PDE6C: variants seen among roughly 807,000 people sequenced by gnomAD.
PDE6C encodes the protein cone cGMP-specific 3',5'-cyclic phosphodiesterase subunit alpha'.
PDE6C carries 75 observed loss-of-function variants against 113.1 expected under a neutral mutation model. The observed-to-expected ratio is 0.66, with a 90% CI of 0.55 to 0.80. The LOEUF is 0.80. Ranked by LOEUF, PDE6C falls within the 30% of genes least tolerant of loss-of-function variation. The probability of loss-of-function intolerance (pLI) is 0.00; values close to 1 mark genes in which losing one functional copy is unlikely to be tolerated. For missense variants in PDE6C, 912 were observed against 1,038.6 expected, an observed-to-expected ratio of 0.88 and a Z score of 1.67; for synonymous variants, 375 against 363.7, an observed-to-expected ratio of 1.03 and a Z score of -0.35.
chr10:93,637,827 T>C (rs2058541237), intron 11 of PDE6C, among the ~76,000 whole-genome samples: 1 of 152,220 alleles, frequency 6.6e-6, no homozygotes, highest in South Asian at 2.1e-4. Flanking sequence ...GTTCTAGTCA[T>C]TTGATCCTGT....
chr10:93,629,019 G>T (rs1463267437), intron 7 of PDE6C, among the ~76,000 whole-genome samples: 1 of 152,182 alleles, frequency 6.6e-6, no homozygotes, highest in African/African-American at 2.4e-5. Flanking sequence ...GGAGTCTGGG[G>T]GAGTGGGAAG....
chr10:93,618,104 C>T (rs998817643), intron 1 of PDE6C, among the ~76,000 whole-genome samples: 12 of 151,764 alleles, frequency 7.9e-5, no homozygotes, highest in Non-Finnish European at 1.6e-4. Flanking sequence ...GGGTGCTCCG[C>T]GGTATGGGAG....
intron 1 of PDE6C, among the ~76,000 whole-genome samples, chr10:93,617,969 A>C (rs1282096011): frequency 6.6e-6 from 1 of 152,166 alleles, no homozygotes; most frequent in East Asian, 1.9e-4. Flanking sequence ...CAAAAACTGC[A>C]GACACTTTGG....
At chr10:93,661,198 C>T (rs1480678738) in intron 18 of PDE6C, among the ~76,000 whole-genome samples, 1 of 152,146 alleles carries the variant, frequency 6.6e-6, no homozygotes, top group Non-Finnish European at 1.5e-5. Flanking sequence ...ATTTACATGG[C>T]CTGTCACTGC....
intron 8 of PDE6C, among the ~76,000 whole-genome samples, chr10:93,633,326 C>G (rs1228412262): frequency 1.3e-5 from 2 of 151,792 alleles, no homozygotes; most frequent in Non-Finnish European, 2.9e-5. Flanking sequence ...ATTAGCCAGG[C>G]TTGGTGGGGC....
chr10:93,659,251 C>A, intron 18 of PDE6C, 84 bp downstream of exon 18: 4 of 938,322 alleles, frequency 4.3e-6, no homozygotes, highest in Non-Finnish European at 6.9e-6. Context: ...AGATCTCAGG[C>A]AACCTCAGAA....
intron 1 of PDE6C, among the ~76,000 whole-genome samples, chr10:93,619,345 A>G (rs1007719451): frequency 6.6e-6 from 1 of 152,248 alleles, no homozygotes; most frequent in African/African-American, 2.4e-5. Context: ...TAAAAACCTG[A>G]TAAGCATCTG....
intron 7 of PDE6C, among the ~76,000 whole-genome samples, chr10:93,628,689 A>C (rs1481083572): frequency 6.6e-6 from 1 of 151,142 alleles, no homozygotes; most frequent in Non-Finnish European, 1.5e-5. Flanking sequence ...GACCCAAGGT[A>C]CAGAAAACTT....
At chr10:93,619,502 C>T (rs1002239959) in intron 1 of PDE6C, among the ~76,000 whole-genome samples, 2 of 152,316 alleles carry the variant, frequency 1.3e-5, no homozygotes, top group Non-Finnish European at 2.9e-5. Flanking sequence ...TCTTGGCTTA[C>T]TGCAACCTCT....
intron 19 of PDE6C, 70 bp from the exon 20 acceptor site, chr10:93,662,490 C>G: frequency 1.7e-6 from 1 of 581,996 alleles, no homozygotes; most frequent in Non-Finnish European, 3.2e-6. Context: ...AAAAAGTTAT[C>G]AGGACAAATC....
rs766703340 is a variant in PDE6C, at chr10:93,640,182, T to G, written c.1595T>G (p.Ile532Arg). Residue 532 changes from isoleucine to arginine, a missense_variant, in exon 12 of 22, where the codon ATA (isoleucine) becomes AGA (arginine). Coordinates refer to ENST00000371447, the MANE Select transcript of PDE6C (RefSeq NM_006204.4). The part of the protein sequence containing the change: ...IKCGIRLFFE[I>R]NVVEKFKVPV... ...TGTGGAATACGACTGTTTTTTGAAA[T>G]AAATGTGGTGGAGAAATTCAAAGTA... is the stretch of plus-strand genomic sequence containing the variant. 1 of 1,613,636 alleles carries G rather than the reference T, an allele frequency of 6.2e-7. No homozygotes were observed. The highest frequency in any genetic ancestry group is 8.5e-7 in the Non-Finnish European group (1 of 1,179,572).
rs768844108 is a variant in PDE6C, at chr10:93,665,506, G to A, written c.*88G>A. 1.9e-5 allele frequency: 17 copies of A among 894,432 alleles called. No homozygotes were observed. Among genetic ancestry groups the A allele is most frequent in the East Asian group, 1.2e-4 (5 of 40,820 alleles). The allele number at this position is 894,432 out of a possible 1,614,324, so 55.4% of individuals were successfully genotyped here. A position where few individuals can be genotyped will look rare whatever the true frequency, so the allele number is the denominator to read the frequency against. ...CAAAAGAACTTCAACAAATCATCAC[G>A]TAACAGGATCTTCAGAAAAACTACC... is the stretch of plus-strand genomic sequence containing the variant. On this transcript the variant is annotated 3_prime_UTR_variant, in exon 22 of 22. Coordinates refer to ENST00000371447, the MANE Select transcript of PDE6C (RefSeq NM_006204.4).
intron 16 of PDE6C, among the ~76,000 whole-genome samples, chr10:93,656,961 T>A (rs1332922407): frequency 6.6e-6 from 1 of 152,072 alleles, no homozygotes. Flanking sequence ...ATTTAACAAA[T>A]GCGAAATTTT....
At chr10:93,653,689 T>C (rs1315339550) in intron 15 of PDE6C, among the ~76,000 whole-genome samples, 6 of 149,878 alleles carry the variant, frequency 4.0e-5, no homozygotes, top group African/African-American at 7.6e-5. Flanking sequence ...AAAAAAAACA[T>C]TGATTTTGAT....
rs971372451 is a variant in PDE6C, at chr10:93,625,428, G to T, written c.865-147G>T. The T allele has an allele frequency of 1.2e-5, 8 of 669,756 alleles. No homozygotes were observed. In the African/African-American group the frequency reaches 1.4e-4, roughly 12 times the overall value. 41.5% of individuals were successfully genotyped at this position (669,756 alleles called of 1,614,324 possible). ...GTTAACAGTCAAAAATTCCTAACCA[G>T]TATTGCTGGGAATTGTAGATCTTTC... On this transcript the variant is annotated intron_variant, in intron 4 of 21. Coordinates refer to ENST00000371447, the MANE Select transcript of PDE6C (RefSeq NM_006204.4).
At chr10:93,613,462 G>A (rs11187552) in intron 1 of PDE6C, among the ~76,000 whole-genome samples, 161 of 152,276 alleles carry the variant, frequency 1.1e-3, no homozygotes, top group African/African-American at 3.5e-3. Context: ...TGTAAAGTTT[G>A]GCATTTTATC....
intron 21 of PDE6C, 44 bp from the exon 22 acceptor site, chr10:93,665,316 T>A (rs1012690465): frequency 4.4e-6 from 6 of 1,354,002 alleles, no homozygotes; most frequent in Non-Finnish European, 6.4e-6. Context: ...AAACACTGTA[T>A]ATCCACTAAC....
chr10:93,652,009 G>C (rs1169817751), intron 15 of PDE6C, among the ~76,000 whole-genome samples: 3 of 151,894 alleles, frequency 2.0e-5, no homozygotes, highest in African/African-American at 4.8e-5. Flanking sequence ...GTGTGCAAGT[G>C]TGTGTGTGCA....
chr10:93,614,163 T>A (rs1223703278), intron 1 of PDE6C, among the ~76,000 whole-genome samples: 1 of 152,186 alleles, frequency 6.6e-6, no homozygotes, highest in Admixed American at 6.5e-5. Flanking sequence ...TGGATTATGA[T>A]GGAACAGAGT....
Sources: gnomAD v4.1 joint callset for allele counts (sites outside exome capture counted in the v4.1 genomes callset) on GRCh38, gnomAD v4.1.1 for gene constraint, MANE v1.5 for transcripts, NCBI Gene and HGNC (gene_info 2026-07-23, HGNC 2026-07-21) for gene names.